The following KLC1 variants were observed in gnomAD, a reference collection of about 807,000 sequenced individuals.
KLC1 encodes the protein kinesin 2 60/70kDa.
KLC1 carries 30 observed loss-of-function variants against 84.2 expected under a neutral mutation model. The ratio of observed to expected loss-of-function variants is 0.36; its 90% CI spans 0.27 to 0.48. KLC1 has a LOEUF of 0.48. KLC1 is among the 20% of genes least tolerant of loss of function. The pLI is 0.99. For missense variants in KLC1, 499 were observed against 805.4 expected, an observed-to-expected ratio of 0.62 and a Z score of 4.60; for synonymous variants, 289 against 293.3, an observed-to-expected ratio of 0.99 and a Z score of 0.15.
At chr14:103,691,942 TG>T (rs1186023351) in intron 14 of KLC1, among the ~76,000 whole-genome samples, 1 of 152,078 alleles carries the variant, frequency 6.6e-6, no homozygotes, top group African/African-American at 2.4e-5. Flanking sequence ...GGCTAATTTT[TG>T]TATTTTTGTA....
At position 103,687,071 on chromosome 14, in the gene KLC1, T is replaced by C. The variant is rs544404694; in HGVS notation, c.1651-10T>C. The C allele has an allele frequency of 3.3e-6, 5 of 1,516,710 alleles. No homozygotes were observed. The African/African-American group carries it at 6.9e-5, about 21-fold the overall frequency. The allele number at this position is 1,516,710 out of a possible 1,614,324, so 94.0% of individuals were successfully genotyped here. On this transcript the variant is annotated splice_polypyrimidine_tract_variant and intron_variant, in intron 13 of 16. Transcript: ENST00000334553. ...ACCTGCAGCTTCACGTTTGTTCACGTTTTTTTCAGGATGGCACTGGATCTT... is the reference window on the plus strand; with the variant it reads ...ACCTGCAGCTTCACGTTTGTTCACGCTTTTTTCAGGATGGCACTGGATCTT...
intron 1 of KLC1, among the ~76,000 whole-genome samples, chr14:103,647,076 C>T (rs1315410394): frequency 6.6e-6 from 1 of 152,142 alleles, no homozygotes; most frequent in Non-Finnish European, 1.5e-5. Context: ...CATCTCTTTT[C>T]AGTTACACGG....
At chr14:103,685,684 CG>C in intron 13 of KLC1, 1 of 1,289,480 alleles carries the variant, frequency 7.8e-7, no homozygotes, top group Non-Finnish European at 1.0e-6. Context: ...TGACGGGTGG[CG>C]CCTCCCGCAG....
At chr14:103,679,703 C>T in intron 13 of KLC1, 158 bp downstream of exon 13, 1 of 577,204 alleles carries the variant, frequency 1.7e-6, no homozygotes, top group East Asian at 2.9e-5. Flanking sequence ...ATACTGAAGT[C>T]TGTTATTTGT....
At chr14:103,659,082 A>C (rs1479205117) in intron 3 of KLC1, among the ~76,000 whole-genome samples, 2 of 151,834 alleles carry the variant, frequency 1.3e-5, no homozygotes, top group African/African-American at 4.8e-5. Context: ...GGTTCAAGCG[A>C]TTCTCCCTTC....
At chr14:103,668,206 G>A (rs748559378) in intron 5 of KLC1, among the ~76,000 whole-genome samples, 6 of 152,232 alleles carry the variant, frequency 3.9e-5, no homozygotes, top group African/African-American at 9.6e-5. Context: ...AACTGGTAGA[G>A]CCCAAGCTCA....
intron 5 of KLC1, among the ~76,000 whole-genome samples, chr14:103,665,863 G>T (rs1168617896): frequency 5.3e-5 from 8 of 152,254 alleles, no homozygotes; most frequent in Non-Finnish European, 8.8e-5. Context: ...TGCCGCACAG[G>T]CGCCACCCTG....
chr14:103,637,270 A>C (rs1018849328), intron 1 of KLC1, among the ~76,000 whole-genome samples: 1 of 151,974 alleles, frequency 6.6e-6, no homozygotes, highest in Non-Finnish European at 1.5e-5. Flanking sequence ...GGTGGCTCAC[A>C]CCTATAATCC....
At chr14:103,673,851 A>G (rs2151704482) in intron 9 of KLC1, among the ~76,000 whole-genome samples, 1 of 151,942 alleles carries the variant, frequency 6.6e-6, no homozygotes, top group Non-Finnish European at 1.5e-5. Flanking sequence ...TGAACCCGGG[A>G]GGCGGATCTT....
At chr14:103,663,525 C>T (rs1191697081) in intron 5 of KLC1, among the ~76,000 whole-genome samples, 1 of 152,208 alleles carries the variant, frequency 6.6e-6, no homozygotes, top group Admixed American at 6.5e-5. Context: ...CCACAAGACC[C>T]TGTGCAGGCG....
chr14:103,655,304 T>G (rs999333189), intron 2 of KLC1, among the ~76,000 whole-genome samples: 1 of 152,110 alleles, frequency 6.6e-6, no homozygotes, highest in Non-Finnish European at 1.5e-5. Context: ...ATCAGAATTG[T>G]ATTGATTGAT....
At chr14:103,691,852 G>C (rs1011800041) in intron 14 of KLC1, among the ~76,000 whole-genome samples, 4 of 151,932 alleles carry the variant, frequency 2.6e-5, no homozygotes, top group Admixed American at 1.3e-4. Flanking sequence ...GCTCACTGCA[G>C]CCTTGACCAC....
At chr14:103,684,724 G>C (rs549712427) in intron 13 of KLC1, 46 of 351,316 alleles carry the variant, frequency 1.3e-4, no homozygotes, top group African/African-American at 7.6e-4. Flanking sequence ...GTGTGCACGC[G>C]TGTGTGTGTG....
intron 1 of KLC1, among the ~76,000 whole-genome samples, chr14:103,631,875 A>G (rs2076715700): frequency 6.6e-6 from 1 of 152,116 alleles, no homozygotes. Flanking sequence ...CTAGGGTTAC[A>G]GGTGTGAGCC....
At chr14:103,650,296 C>T (rs1323951968) in intron 1 of KLC1, among the ~76,000 whole-genome samples, 1 of 152,110 alleles carries the variant, frequency 6.6e-6, no homozygotes, top group African/African-American at 2.4e-5. Flanking sequence ...CTCCACCACA[C>T]CCCAGGGTAG....
At chr14:103,674,693 G>C (rs371353178) in intron 9 of KLC1, among the ~76,000 whole-genome samples, 18 of 152,290 alleles carry the variant, frequency 1.2e-4, no homozygotes, top group African/African-American at 4.3e-4. Flanking sequence ...GGGATTACAG[G>C]TGTGAGCCAC....
At chr14:103,652,938 G>A (rs899652425) in intron 1 of KLC1, among the ~76,000 whole-genome samples, 1 of 152,158 alleles carries the variant, frequency 6.6e-6, no homozygotes, top group Non-Finnish European at 1.5e-5. Context: ...AGTGTGTGAT[G>A]CAGAGACTAA....
chr14:103,673,913 ACT>A (rs1362930072), intron 9 of KLC1, among the ~76,000 whole-genome samples: 5 of 150,708 alleles, frequency 3.3e-5, no homozygotes, highest in Admixed American at 2.0e-4. Flanking sequence ...ACAGAGTGAG[ACT>A]CTGTCTCAAA....
intron 1 of KLC1, among the ~76,000 whole-genome samples, chr14:103,645,339 C>G (rs1287778058): frequency 6.6e-6 from 1 of 152,190 alleles, no homozygotes; most frequent in South Asian, 2.1e-4. Context: ...CCTAGCTGCC[C>G]TACCAGGTCT....
Sources: gnomAD v4.1 joint callset for allele counts (sites outside exome capture counted in the v4.1 genomes callset) on GRCh38, gnomAD v4.1.1 for gene constraint, MANE v1.5 for transcripts, NCBI Gene and HGNC (gene_info 2026-07-23, HGNC 2026-07-21) for gene names.